Variants in PIBF1 observed in about 807,000 individuals in gnomAD.
The protein encoded by PIBF1 is progesterone-induced-blocking factor 1.
Under a neutral mutation model 112.5 loss-of-function variants are expected in PIBF1, and 90 were observed. The observed-to-expected ratio is 0.80, with a 90% CI of 0.67 to 0.95. The LOEUF (loss-of-function observed/expected upper bound fraction) is 0.95. Among genes scored for constraint, PIBF1 ranks in the 40% least tolerant of loss-of-function variants. The probability of loss-of-function intolerance (pLI) is 0.00; values close to 1 mark genes in which losing one functional copy is unlikely to be tolerated. For missense variants in PIBF1, 915 were observed against 852.3 expected, an observed-to-expected ratio of 1.07 and a Z score of -0.92; for synonymous variants, 301 against 288.6, an observed-to-expected ratio of 1.04 and a Z score of -0.44.
chr13:72,998,950 T>A lies in PIBF1; in HGVS notation c.2178T>A (p.Pro726=). ...ENQKSKTLNV[P]KEHEDNIFTP... is the part of the protein sequence containing the mutation. ...AGAAATCAAAGACTTTGAATGTGCC[T>A]AAAGAGCATGAAGACAATATATTTA... is the stretch of plus-strand genomic sequence containing the variant. The change falls in exon 17 of 18, where the codon CCT becomes CCA. Residue 726 remains proline (P), a synonymous_variant. Transcript: ENST00000326291. 6.2e-7 allele frequency: 1 copy of A among 1,611,304 alleles called. No individual in the cohort carries two copies. Among genetic ancestry groups the A allele is most frequent in the Non-Finnish European group, 8.5e-7 (1 of 1,178,120 alleles).
chr13:72,851,342 C>T (rs1330704029), intron 9 of PIBF1, among the ~76,000 whole-genome samples: 1 of 152,258 alleles, frequency 6.6e-6, no homozygotes, highest in Non-Finnish European at 1.5e-5. Flanking sequence ...TCTCCCTACT[C>T]CCAGCACCCA....
At chr13:72,992,879 A>G (rs2139007850) in intron 16 of PIBF1, among the ~76,000 whole-genome samples, 1 of 152,296 alleles carries the variant, frequency 6.6e-6, no homozygotes, top group Non-Finnish European at 1.5e-5. Context: ...GGGATCACAC[A>G]ACCAAAAACT....
chr13:72,868,054 C>G lies in PIBF1; in HGVS notation c.1322+13899C>G, dbSNP rs535112704. On this transcript the variant is annotated intron_variant, in intron 10 of 17. Transcript: ENST00000326291. ...GTGGTTCACACCTGTAATCCCAACA[C>G]TTTAGGAGGCTGAGGCAGGAGGATT... Among the ~76,000 whole-genome samples the G allele has an allele frequency of 7.2e-4, 109 of 152,204 alleles. 1 individual carries two copies. Among genetic ancestry groups the G allele is most frequent in the African/African-American group, 2.6e-3 (108 of 41,542 alleles).
chr13:72,870,393 G>C (rs967698307), intron 10 of PIBF1, among the ~76,000 whole-genome samples: 10 of 152,130 alleles, frequency 6.6e-5, no homozygotes, highest in Admixed American at 5.2e-4. Flanking sequence ...TCTCCCCATG[G>C]TTTCAGATGA....
intron 5 of PIBF1, among the ~76,000 whole-genome samples, chr13:72,809,838 C>T (rs2035924821): frequency 6.6e-6 from 1 of 152,074 alleles, no homozygotes; most frequent in Admixed American, 6.6e-5. Flanking sequence ...ATCTGCCTGC[C>T]CTGGCCTCTC....
At chr13:72,991,811 C>T (rs184091502) in intron 16 of PIBF1, among the ~76,000 whole-genome samples, 3 of 151,944 alleles carry the variant, frequency 2.0e-5, no homozygotes, top group African/African-American at 4.8e-5. Flanking sequence ...CTCCACCTCC[C>T]GGATTCATGC....
intron 17 of PIBF1, among the ~76,000 whole-genome samples, chr13:73,008,058 C>T (rs2044091766): frequency 6.6e-6 from 1 of 152,120 alleles, no homozygotes. Context: ...TACTTGGAAT[C>T]TGTTCAAATT....
chr13:72,857,638 A>G (rs866779929), intron 10 of PIBF1, among the ~76,000 whole-genome samples: 5 of 152,190 alleles, frequency 3.3e-5, no homozygotes, highest in Admixed American at 6.5e-5. Flanking sequence ...CAGGAGTTCA[A>G]AACCAGCCTG....
chr13:72,981,590 A>G (rs2043159420), intron 16 of PIBF1, among the ~76,000 whole-genome samples: 3 of 152,122 alleles, frequency 2.0e-5, no homozygotes, highest in Non-Finnish European at 4.4e-5. Flanking sequence ...ATAGAAAGAG[A>G]TGTGGTACAG....
At chr13:72,879,100 C>T (rs946537853) in intron 10 of PIBF1, among the ~76,000 whole-genome samples, 14 of 152,210 alleles carry the variant, frequency 9.2e-5, no homozygotes, top group African/African-American at 3.1e-4. Context: ...ATTATTGATA[C>T]ACTGTAGGTA....
intron 5 of PIBF1, among the ~76,000 whole-genome samples, chr13:72,803,687 G>A (rs947260227): frequency 3.9e-5 from 6 of 152,016 alleles, no homozygotes; most frequent in South Asian, 2.1e-4. Flanking sequence ...GTTGAGTTTC[G>A]ATTTAAAAAA....
intron 6 of PIBF1, among the ~76,000 whole-genome samples, chr13:72,825,513 G>A (rs565767447): frequency 1.3e-4 from 20 of 152,178 alleles, no homozygotes; most frequent in African/African-American, 4.8e-4. Context: ...CAATTTTCAC[G>A]GGATGTGAAA....
Position 72,931,233 on chromosome 13 carries a change from A to G in PIBF1, c.1799A>G (p.His600Arg), listed in dbSNP as rs776598600. 5 of 1,612,718 alleles carry G rather than the reference A, an allele frequency of 3.1e-6. No individual in the cohort carries two copies. In the African/African-American group the frequency reaches 5.3e-5, roughly 17 times the overall value. Residue 600 changes from histidine to arginine, a missense_variant, in exon 14 of 18, where the codon CAT becomes CGT. Coordinates refer to ENST00000326291, the MANE Select transcript of PIBF1 (RefSeq NM_006346.4). Reference protein sequence around the residue: ...QNSLILKDLEHRKDQVTQLSQ... With the variant: ...QNSLILKDLERRKDQVTQLSQ... ...TCGCTGATTTTAAAAGATCTGGAAC[A>G]TCGAAAGGACCAAGTAACACAGCTT...
intron 10 of PIBF1, among the ~76,000 whole-genome samples, chr13:72,892,151 AAG>A (rs1198236588): frequency 6.6e-6 from 1 of 152,160 alleles, no homozygotes; most frequent in East Asian, 1.9e-4. Flanking sequence ...TGTATGTTAA[AAG>A]AGTGAATTTT....
intron 10 of PIBF1, chr13:72,880,960 T>A (rs2039602726): frequency 6.6e-6 from 1 of 152,142 alleles, no homozygotes. Context: ...GAATAACTGC[T>A]TGCCCACTTT....
At chr13:72,996,094 G>C (rs961415426) in intron 16 of PIBF1, among the ~76,000 whole-genome samples, 2 of 119,706 alleles carry the variant, frequency 1.7e-5, no homozygotes, top group African/African-American at 3.1e-5. Flanking sequence ...AAGCGGGGGG[G>C]GGGGGTCATA....
chr13:72,828,635 A>G (rs2036944374), intron 8 of PIBF1, among the ~76,000 whole-genome samples: 3 of 152,052 alleles, frequency 2.0e-5, no homozygotes, highest in Admixed American at 2.0e-4. Flanking sequence ...CATAGCATAT[A>G]TATTCCATGG....
At chr13:72,865,385 C>A (rs928653093) in intron 10 of PIBF1, among the ~76,000 whole-genome samples, 1 of 152,106 alleles carries the variant, frequency 6.6e-6, no homozygotes, top group African/African-American at 2.4e-5. Context: ...TTTGTAAAAA[C>A]TAGCAATTTA....
intron 5 of PIBF1, among the ~76,000 whole-genome samples, chr13:72,818,224 C>G (rs914967421): frequency 7.2e-5 from 11 of 152,286 alleles, no homozygotes; most frequent in East Asian, 1.9e-4. Context: ...ACAGAAAACA[C>G]TGCTTCTTTG....
Sources: gnomAD v4.1 joint callset for allele counts (sites outside exome capture counted in the v4.1 genomes callset) on GRCh38, gnomAD v4.1.1 for gene constraint, MANE v1.5 for transcripts, NCBI Gene and HGNC (gene_info 2026-07-23, HGNC 2026-07-21) for gene names.